The following ADAMTS9 variants were observed in gnomAD, a reference collection of about 807,000 sequenced individuals.
ADAMTS9 encodes the protein ADAM metallopeptidase with thrombospondin type 1 motif 9.
ADAMTS9 carries 107 observed loss-of-function variants against 257.1 expected under a neutral mutation model. The ratio of observed to expected loss-of-function variants is 0.42; its 90% CI spans 0.36 to 0.49. ADAMTS9 has a LOEUF of 0.49. Ranked by LOEUF, ADAMTS9 falls within the 20% of genes least tolerant of loss-of-function variation. The pLI, the probability that ADAMTS9 is intolerant of heterozygous loss-of-function variation, is 0.03. For synonymous variants in ADAMTS9, 982 were observed against 880.9 expected, an observed-to-expected ratio of 1.11 and a Z score of -2.03; for missense variants, 2,353 against 2,469.1, an observed-to-expected ratio of 0.95 and a Z score of 1.00.
At chr3:64,599,040 T>C (rs1455745739) in intron 26 of ADAMTS9, among the ~76,000 whole-genome samples, 2 of 152,134 alleles carry the variant, frequency 1.3e-5, no homozygotes, top group African/African-American at 4.8e-5. Context: ...GGTCAAGCAA[T>C]CCACTGGCCA....
chr3:64,655,426 C>A (rs931077414), intron 6 of ADAMTS9, 150 bp downstream of exon 6: 4 of 647,620 alleles, frequency 6.2e-6, no homozygotes, highest in African/African-American at 3.6e-5. Context: ...AAACATCTTG[C>A]AATGCACAGA....
intron 22 of ADAMTS9, 141 bp from the exon 23 acceptor site, chr3:64,607,220 G>T: frequency 2.0e-6 from 2 of 983,984 alleles, no homozygotes; most frequent in Admixed American, 2.3e-5. Context: ...AGGTCGAAGT[G>T]GGCAATCCTG....
chr3:64,520,706 C>T (rs2082839444), intron 39 of ADAMTS9, among the ~76,000 whole-genome samples: 1 of 152,030 alleles, frequency 6.6e-6, no homozygotes, highest in Non-Finnish European at 1.5e-5. Context: ...GGAAAGCACA[C>T]CCTATAATAA....
intron 3 of ADAMTS9, among the ~76,000 whole-genome samples, chr3:64,672,385 A>G (rs1033224465): frequency 6.6e-6 from 1 of 152,204 alleles, no homozygotes; most frequent in African/African-American, 2.4e-5. Context: ...CAGAAGCTTA[A>G]TTAAAAAGTT....
At chr3:64,544,274 C>T (rs2083167461) in intron 32 of ADAMTS9, among the ~76,000 whole-genome samples, 1 of 152,090 alleles carries the variant, frequency 6.6e-6, no homozygotes, top group Non-Finnish European at 1.5e-5. Context: ...CTTTAAAGTT[C>T]ATATGGAACC....
Position 64,643,445 on chromosome 3 carries a change from A to ATTTTTTTTTTT in ADAMTS9, c.1711-1463_1711-1453dup, listed in dbSNP as rs57471985. Among the ~76,000 whole-genome samples the ATTTTTTTTTTT allele has an allele frequency of 2.4e-3, 145 of 61,418 alleles. 23 individuals are homozygous for ATTTTTTTTTTT. The highest frequency in any genetic ancestry group is 4.3e-3 in the African/African-American group (61 of 14,264). The allele number at this position is 61,418 out of a possible 152,430, so 40.3% of individuals were successfully genotyped here. A position where few individuals can be genotyped will look rare whatever the true frequency, so the allele number is the denominator to read the frequency against. ...GTAGTCAACATAACATTACTCAATA[A>ATTTTTTTTTTT]TTTTTTTTTTTTTTTTTTTTTTTTT... On this transcript the variant is annotated intron_variant, in intron 11 of 39. Coordinates refer to ENST00000498707, the MANE Select transcript of ADAMTS9 (RefSeq NM_182920.2).
chr3:64,615,963 A>G lies in ADAMTS9; in HGVS notation c.3021T>C (p.Thr1007=). ...CTTTGAGTGAGAGCCAACTTACTTC[A>G]GTCCAGGCAGAATAGCGCCAGCCAC... ...NTGGWRYSAW[T]ECSKSCDGGT... is the part of the protein sequence containing the mutation. Residue 1007 remains threonine (T), a synonymous_variant, in exon 20 of 40, where the codon ACT becomes ACC. Coordinates refer to ENST00000498707, the MANE Select transcript of ADAMTS9 (RefSeq NM_182920.2). 1 of 1,612,900 alleles carries G rather than the reference A, an allele frequency of 6.2e-7. No individual in the cohort carries two copies. Among genetic ancestry groups the G allele is most frequent in the Non-Finnish European group, 8.5e-7 (1 of 1,179,934 alleles).
intron 28 of ADAMTS9, among the ~76,000 whole-genome samples, chr3:64,584,829 C>T (rs1217101449): frequency 6.6e-6 from 1 of 151,986 alleles, no homozygotes; most frequent in Non-Finnish European, 1.5e-5. Context: ...ACATAACATC[C>T]CATCATCTCT....
chr3:64,680,524 G>C (rs1007723868), intron 3 of ADAMTS9, among the ~76,000 whole-genome samples: 2 of 152,276 alleles, frequency 1.3e-5, no homozygotes, highest in African/African-American at 4.8e-5. Flanking sequence ...AAGCTTTCCA[G>C]GGTGCCCAGA....
chr3:64,684,909 G>A (rs982145818), intron 2 of ADAMTS9: 3 of 152,236 alleles, frequency 2.0e-5, no homozygotes, highest in Admixed American at 1.3e-4. Context: ...CTACGGTCCT[G>A]GAATTGGGGG....
intron 8 of ADAMTS9, among the ~76,000 whole-genome samples, chr3:64,652,029 A>G (rs893099981): frequency 6.6e-6 from 1 of 152,192 alleles, no homozygotes; most frequent in Non-Finnish European, 1.5e-5. Flanking sequence ...AGAAACACCA[A>G]TTCTGTGACC....
At chr3:64,682,255 C>G (rs573701519) in intron 2 of ADAMTS9, among the ~76,000 whole-genome samples, 1 of 152,298 alleles carries the variant, frequency 6.6e-6, no homozygotes, top group Admixed American at 6.5e-5. Context: ...TAAAGAGTTA[C>G]TGTGCAGATT....
chr3:64,526,181 T>A (rs1384010222), intron 38 of ADAMTS9, among the ~76,000 whole-genome samples: 2 of 150,878 alleles, frequency 1.3e-5, no homozygotes, highest in Admixed American at 1.3e-4. Flanking sequence ...AGAATTGTAA[T>A]GTTCCCACCT....
chr3:64,669,651 T>G (rs1401009061), intron 3 of ADAMTS9, among the ~76,000 whole-genome samples: 3 of 151,974 alleles, frequency 2.0e-5, no homozygotes, highest in African/African-American at 7.3e-5. Flanking sequence ...CAACAGAGAT[T>G]CCCCCTGAGC....
At chr3:64,539,402 G>T (rs1043354123) in intron 36 of ADAMTS9, 108 bp from the exon 37 acceptor site, 1 of 909,106 alleles carries the variant, frequency 1.1e-6, no homozygotes, top group Admixed American at 2.0e-5. Flanking sequence ...AAGAATAAGA[G>T]GGAATGGGAG....
intron 3 of ADAMTS9, among the ~76,000 whole-genome samples, chr3:64,662,150 G>C (rs1240525160): frequency 1.3e-5 from 2 of 151,760 alleles, no homozygotes; most frequent in African/African-American, 4.8e-5. Context: ...AATATTTTCT[G>C]CTTTCTCCTT....
At chr3:64,627,820 AC>A (rs1700264399) in intron 16 of ADAMTS9, among the ~76,000 whole-genome samples, 1 of 152,296 alleles carries the variant, frequency 6.6e-6, no homozygotes, top group African/African-American at 2.4e-5. Flanking sequence ...CTGAAAAAAA[AC>A]ATAAGGGATA....
intron 28 of ADAMTS9, among the ~76,000 whole-genome samples, chr3:64,577,499 G>A (rs190325763): frequency 2.0e-5 from 3 of 152,168 alleles, no homozygotes; most frequent in Non-Finnish European, 4.4e-5. Flanking sequence ...CAGGGAGGGC[G>A]GTGGGTGAGA....
intron 11 of ADAMTS9, among the ~76,000 whole-genome samples, chr3:64,646,516 G>C (rs1700792504): frequency 6.6e-6 from 1 of 152,100 alleles, no homozygotes; most frequent in Non-Finnish European, 1.5e-5. Context: ...AGCTCTAGAA[G>C]CTATTACGCT....
Sources: gnomAD v4.1 joint callset for allele counts (sites outside exome capture counted in the v4.1 genomes callset) on GRCh38, gnomAD v4.1.1 for gene constraint, MANE v1.5 for transcripts, NCBI Gene and HGNC (gene_info 2026-07-23, HGNC 2026-07-21) for gene names.